Variants in ZFP37 observed in about 807,000 individuals in gnomAD.
ZFP37 encodes the protein zinc finger protein 37 homolog.
In ZFP37, 38 loss-of-function variants were observed where a neutral mutation model predicts 52.1. The observed-to-expected ratio is 0.73, with a 90% CI of 0.56 to 0.96. ZFP37 has a LOEUF of 0.96. ZFP37 is among the 40% of genes least tolerant of loss of function. The pLI is 0.00. For missense variants in ZFP37, 695 were observed against 741.4 expected, an observed-to-expected ratio of 0.94 and a Z score of 0.73; for synonymous variants, 253 against 259.5, an observed-to-expected ratio of 0.98 and a Z score of 0.24.
At position 113,043,239 on chromosome 9, in the gene ZFP37, G is replaced by C. The variant is rs1179096420; in HGVS notation, c.1379C>G (p.Pro460Arg). ...KHMRIHTGEKPFECNECGKAF... is the reference protein window; with the variant it reads ...KHMRIHTGEKRFECNECGKAF... ...TTTCCCACATTCATTACATTCAAAGGGTTTCTCACCTGTATGAATTCTCAT... is the reference window on the plus strand; with the variant it reads ...TTTCCCACATTCATTACATTCAAAGCGTTTCTCACCTGTATGAATTCTCAT... Residue 460 changes from proline (P) to arginine (R), a missense_variant, in exon 4 of 4, where the codon CCC (proline) becomes CGC (arginine). Physicochemically the swap from Pro to Arg is moderately radical, Grantham distance 103. Transcript: ENST00000374227. 1.2e-6 allele frequency: 2 copies of C among 1,613,894 alleles called. No individual in the cohort carries two copies. Among genetic ancestry groups the C allele is most frequent in the Non-Finnish European group, 1.7e-6 (2 of 1,179,958 alleles).
intron 3 of ZFP37, among the ~76,000 whole-genome samples, chr9:113,047,597 A>G (rs1379741899): frequency 6.6e-6 from 1 of 152,160 alleles, no homozygotes; most frequent in Admixed American, 6.5e-5. Context: ...GAAAAAAAAG[A>G]GAAAAAATTA....
intron 3 of ZFP37, among the ~76,000 whole-genome samples, chr9:113,045,394 CTT>C (rs1234735152): frequency 2.0e-5 from 3 of 152,134 alleles, no homozygotes; most frequent in African/African-American, 7.2e-5. Context: ...AGCAAACAAA[CTT>C]TACTCAATCT....
rs769666796 is a variant in ZFP37, at chr9:113,043,224, T to A, written c.1394A>T (p.Glu465Val). 1 of 1,613,940 alleles carries A rather than the reference T, an allele frequency of 6.2e-7. No homozygotes were observed. The highest frequency in any genetic ancestry group is 1.1e-5 in the South Asian group (1 of 91,078). The stretch of plus-strand genomic sequence containing the variant: ...CTTCTTGCTGAAAGCTTTCCCACAT[T>A]CATTACATTCAAAGGGTTTCTCACC... Reference protein sequence around the residue: ...HTGEKPFECNECGKAFSKKSH... With the variant: ...HTGEKPFECNVCGKAFSKKSH... The change falls in exon 4 of 4, where the codon GAA becomes GTA. Residue 465 changes from glutamate (E) to valine (V), a missense_variant. This residue lies in a region of ZFP37 where 326 missense variants were observed against 400.5 expected (regional missense o/e 0.81). Coordinates refer to ENST00000374227, the MANE Select transcript of ZFP37 (RefSeq NM_003408.3).
Position 113,039,059 on chromosome 9 carries a change from A to G in ZFP37, c.*3666T>C, listed in dbSNP as rs1828805923. 1 of 152,148 alleles carries G rather than the reference A, an allele frequency of 6.6e-6. No individual in the cohort carries two copies. Among genetic ancestry groups the G allele is most frequent in the Admixed American group, 6.5e-5 (1 of 15,268 alleles). 9.4% of individuals were successfully genotyped at this position (152,148 alleles called of 1,614,324 possible). On this transcript the variant is annotated 3_prime_UTR_variant, in exon 4 of 4. Coordinates refer to ENST00000374227, the MANE Select transcript of ZFP37 (RefSeq NM_003408.3). ...GTGGTTTTTAATGTCATATTACTCA[A>G]TTTTTGAAGGAATCATGCTTTATTT...
Position 113,056,609 on chromosome 9 carries a change from T to G in ZFP37, c.80A>C (p.Glu27Ala). The G allele has an allele frequency of 6.2e-7, 1 of 1,613,992 alleles. No individual in the cohort carries two copies. Among genetic ancestry groups the G allele is most frequent in the Non-Finnish European group, 8.5e-7 (1 of 1,180,026 alleles). Residue 27 changes from glutamate to alanine, a missense_variant, in exon 1 of 4, where the codon GAG becomes GCG. Glu to Ala is a moderately radical substitution (Grantham distance 107, BLOSUM62 -1). Coordinates refer to ENST00000374227, the MANE Select transcript of ZFP37 (RefSeq NM_003408.3). The part of the protein sequence containing the change: ...DRRRSAETTK[E>A]AGRPLEMAVS... Reference sequence around the variant, plus strand: ...AGCCATCTCCAGTGGTCGCCCGGCCTCTTTGGTCGTTTCCGCACTTCTCCT... The same window carrying G: ...AGCCATCTCCAGTGGTCGCCCGGCCGCTTTGGTCGTTTCCGCACTTCTCCT...
Position 113,043,585 on chromosome 9 carries a change from C to T in ZFP37, c.1033G>A (p.Gly345Arg), listed in dbSNP as rs149749769. The change falls in exon 4 of 4, where the codon GGA (glycine) becomes AGA (arginine). Residue 345 changes from glycine to arginine, a missense_variant. This residue lies in a region of ZFP37 where 326 missense variants were observed against 400.5 expected (regional missense o/e 0.81). Coordinates refer to ENST00000374227, the MANE Select transcript of ZFP37 (RefSeq NM_003408.3). ...TGAATACATTCATATGGTTTTTCTC[C>T]GGTGTGAGTTCTCTGATGTACAACA... ...HLVVHQRTHT[G>R]EKPYECIQCG... 282 of 1,613,940 alleles carry T rather than the reference C, an allele frequency of 1.7e-4. 1 individual carries two copies. The highest frequency in any genetic ancestry group is 2.5e-4 in the African/African-American group (19 of 75,028).
In ZFP37 at chr9:113,038,634, A is replaced by AC. The variant is rs1828801109; in HGVS notation, c.*4090_*4091insG. 6.6e-6 allele frequency: 1 copy of AC among 152,058 alleles called. No homozygotes were observed. Among genetic ancestry groups the AC allele is most frequent in the Non-Finnish European group, 1.5e-5 (1 of 68,036 alleles). The allele number at this position is 152,058 out of a possible 1,614,324, so 9.4% of individuals were successfully genotyped here. A position where few individuals can be genotyped will look rare whatever the true frequency, so the allele number is the denominator to read the frequency against. ...TCTGTTTCCACCAAAAAAAAAAAAA[A>AC]AAAATTAGCTTGGTGGCATGCACCT... On this transcript the variant is annotated 3_prime_UTR_variant, in exon 4 of 4. Coordinates refer to ENST00000374227, the MANE Select transcript of ZFP37 (RefSeq NM_003408.3).
rs185826746 is a variant in ZFP37 at position 113,041,114 on chromosome 9, G to A, written c.*1611C>T. The A allele has an allele frequency of 8.5e-5, 13 of 152,182 alleles. No individual in the cohort carries two copies. The highest frequency in any genetic ancestry group is 2.4e-4 in the African/African-American group (10 of 41,532). 9.4% of individuals were successfully genotyped at this position (152,182 alleles called of 1,614,324 possible). On this transcript the variant is annotated 3_prime_UTR_variant, in exon 4 of 4. Coordinates refer to ENST00000374227, the MANE Select transcript of ZFP37 (RefSeq NM_003408.3). ...GCCCAGATAATTTTTTGTATTTTTA[G>A]TAGAGATGGGGTTTCATTGTGTTGG...
intron 3 of ZFP37, among the ~76,000 whole-genome samples, chr9:113,046,625 A>G (rs1245802942): frequency 6.6e-6 from 1 of 152,228 alleles, no homozygotes; most frequent in Non-Finnish European, 1.5e-5. Context: ...AAATTGGTAT[A>G]GTAATATGGG....
rs1485903604 is a variant in ZFP37, at chr9:113,049,824, T to C, written c.181A>G (p.Met61Val). Residue 61 changes from methionine (M) to valine (V), a missense_variant, in exon 2 of 4, where the codon ATG becomes GTG. By Grantham distance (21) the Met-to-Val change is conservative (BLOSUM62 1). Coordinates refer to ENST00000374227, the MANE Select transcript of ZFP37 (RefSeq NM_003408.3). ...PAQSNLYNDV[M>V]LENYCNQASM... is the part of the protein sequence containing the mutation. ...GCTTGGTTGCAGTAGTTCTCCAGCA[T>C]CACATCATTATACAGGTTGCTCTGA... 1.2e-6 allele frequency: 2 copies of C among 1,614,056 alleles called. No homozygotes were observed. Among genetic ancestry groups the C allele is most frequent in the South Asian group, 2.2e-5 (2 of 91,076 alleles).
chr9:113,051,432 A>AT (rs1302660638), intron 1 of ZFP37, among the ~76,000 whole-genome samples: 5 of 151,576 alleles, frequency 3.3e-5, no homozygotes, highest in Non-Finnish European at 5.9e-5. Flanking sequence ...AGGCAACCAA[A>AT]TTTTTTTTCC....
In ZFP37 at chr9:113,049,427, C is replaced by T. The variant is rs777012784; in HGVS notation, c.284G>A (p.Gly95Glu). The T allele has an allele frequency of 3.1e-6, 5 of 1,614,040 alleles. No homozygotes were observed. The highest frequency in any genetic ancestry group is 4.2e-6 in the Non-Finnish European group (5 of 1,179,994). ...EKGEAPWLGK[G>E]KRPSQGCPSK... ...TGGACAACCTTGACTGGGTCTTTTC[C>T]CCTTCCCCAACCATGGTGCTTCTCC... Residue 95 changes from glycine to glutamate, a missense_variant, in exon 3 of 4, where the codon GGG becomes GAG. Gly to Glu is a moderately conservative substitution (Grantham distance 98). Around this residue, in one of 2 missense-constraint regions of ZFP37, gnomAD observed 369 missense variants for 340.9 expected, o/e 1.08. Transcript: ENST00000374227.
chr9:113,048,120 T>C (rs930996946), intron 3 of ZFP37, among the ~76,000 whole-genome samples: 1 of 152,198 alleles, frequency 6.6e-6, no homozygotes, highest in African/African-American at 2.4e-5. Flanking sequence ...AAGTGAGAAC[T>C]TCAAGCTAAC....
chr9:113,043,579 T>C lies in ZFP37; in HGVS notation c.1039A>G (p.Lys347Glu), dbSNP rs1255976070. 3.1e-6 allele frequency: 5 copies of C among 1,613,946 alleles called. No homozygotes were observed. Among genetic ancestry groups the C allele is most frequent in the Non-Finnish European group, 4.2e-6 (5 of 1,179,958 alleles). The part of the protein sequence containing the change: ...VVHQRTHTGE[K>E]PYECIQCGKA... ...CCACACTGAATACATTCATATGGTT[T>C]TTCTCCGGTGTGAGTTCTCTGATGT... is the stretch of plus-strand genomic sequence containing the variant. Residue 347 changes from lysine (K) to glutamate (E), a missense_variant, in exon 4 of 4, where the codon AAA becomes GAA. Physicochemically the swap from Lys to Glu is moderately conservative, Grantham distance 56. Transcript: ENST00000374227.
At chr9:113,047,666 A>G (rs1828982399) in intron 3 of ZFP37, among the ~76,000 whole-genome samples, 1 of 152,198 alleles carries the variant, frequency 6.6e-6, no homozygotes, top group African/African-American at 2.4e-5. Flanking sequence ...GTATGAGATA[A>G]TATGAACCTG....
chr9:113,050,084 T>C (rs1022236155), intron 1 of ZFP37: 45 of 744,064 alleles, frequency 6.0e-5, no homozygotes, highest in Non-Finnish European at 9.0e-5. Flanking sequence ...AAAAACCATA[T>C]TAAGAAATGT....
At chr9:113,055,991 C>T (rs1829135588) in intron 1 of ZFP37, among the ~76,000 whole-genome samples, 1 of 151,994 alleles carries the variant, frequency 6.6e-6, no homozygotes, top group African/African-American at 2.4e-5. Flanking sequence ...CATTGACTCC[C>T]CAAACTCCAA....
chr9:113,043,416 C>T lies in ZFP37; in HGVS notation c.1202G>A (p.Gly401Asp). 6.2e-7 allele frequency: 1 copy of T among 1,614,100 alleles called. No individual in the cohort carries two copies. The highest frequency in any genetic ancestry group is 8.5e-7 in the Non-Finnish European group (1 of 1,179,980). ...TTCCTTACATTCATATGGCTTCTCACCTGTGTGAGATCTCACATGTTGAAT... is the reference window on the plus strand; with the variant it reads ...TTCCTTACATTCATATGGCTTCTCATCTGTGTGAGATCTCACATGTTGAAT... ...NLIQHVRSHT[G>D]EKPYECKECG... Residue 401 changes from glycine to aspartate, a missense_variant, in exon 4 of 4, where the codon GGT becomes GAT. Gly to Asp is a moderately conservative substitution (Grantham distance 94, BLOSUM62 -1). Around this residue, in one of 2 missense-constraint regions of ZFP37, gnomAD observed 326 missense variants for 400.5 expected, o/e 0.81. Coordinates refer to ENST00000374227, the MANE Select transcript of ZFP37 (RefSeq NM_003408.3).
Position 113,038,492 on chromosome 9 carries a change from T to TA in ZFP37, c.*4232dup, listed in dbSNP as rs1828798831. 6.6e-6 allele frequency: 1 copy of TA among 151,906 alleles called. No individual in the cohort carries two copies. Among genetic ancestry groups the TA allele is most frequent in the Admixed American group, 6.6e-5 (1 of 15,214 alleles). The allele number at this position is 151,906 out of a possible 1,614,324, so 9.4% of individuals were successfully genotyped here. A position where few individuals can be genotyped will look rare whatever the true frequency, so the allele number is the denominator to read the frequency against. On this transcript the variant is annotated 3_prime_UTR_variant, in exon 4 of 4. Transcript: ENST00000374227. ...TCCTTTACTATGAAGGTTAAGAAAT[T>TA]AAAGATTTGGCCAAATGTGGTAGCT... is the stretch of plus-strand genomic sequence containing the variant.
Sources: allele counts gnomAD v4.1 joint callset (sites outside exome capture counted in the v4.1 genomes callset), GRCh38; gene constraint gnomAD v4.1.1; regional missense constraint gnomAD v4.1.1; transcripts MANE v1.5; gene names NCBI Gene and HGNC (gene_info 2026-07-23, HGNC 2026-07-21).